Variants in PLXNA2 observed in about 807,000 individuals in gnomAD.
The protein encoded by PLXNA2 is plexin A2.
PLXNA2 carries 91 observed loss-of-function variants against 193.5 expected under a neutral mutation model. The observed-to-expected ratio is 0.47, with a 90% confidence interval of 0.40 to 0.56. PLXNA2 has a LOEUF of 0.56. Ranked by LOEUF, PLXNA2 falls within the 20% of genes least tolerant of loss-of-function variation. The pLI, the probability that PLXNA2 is intolerant of heterozygous loss-of-function variation, is 0.00. For missense variants in PLXNA2, 1,995 were observed against 2,503.2 expected (o/e 0.80, Z 4.33); for synonymous variants, 997 against 1,027.3 (o/e 0.97, Z 0.56).
In PLXNA2 at chr1:208,195,714, C is replaced by T. The variant is rs114264326; in HGVS notation, c.1371+14566G>A. Among the ~76,000 whole-genome samples the T allele has an allele frequency of 8.1e-3, 1,226 of 151,782 alleles. 18 individuals are homozygous for T. Among genetic ancestry groups the T allele is most frequent in the African/African-American group, 0.028 (1,174 of 41,334 alleles). On this transcript the variant is annotated intron_variant, in intron 3 of 31. Transcript: ENST00000367033. The stretch of plus-strand genomic sequence containing the variant: ...AAAGCGTAATGGACTAATGCTAATA[C>T]ACAGACTGGCTGCAGCCCAGGGGTG...
chr1:208,076,053 G>A (rs1473901842), intron 12 of PLXNA2, among the ~76,000 whole-genome samples: 3 of 136,022 alleles, frequency 2.2e-5, no homozygotes, highest in African/African-American at 8.3e-5. Flanking sequence ...GTGAGACCCT[G>A]TCTCAAAAAA....
At chr1:208,099,117 G>T in intron 5 of PLXNA2, 148 bp from the exon 6 acceptor site, 1 of 949,718 alleles carries the variant, frequency 1.1e-6, no homozygotes, top group Non-Finnish European at 1.5e-6. Context: ...GGAGGGCCTT[G>T]GTGACTCTCA....
At chr1:208,039,476 T>C in intron 24 of PLXNA2, 145 bp downstream of exon 24, 1 of 1,116,210 alleles carries the variant, frequency 9.0e-7, no homozygotes. Context: ...TTGCTCTTGG[T>C]ACACTTAGTT....
chr1:208,119,998 T>C (rs986354752), intron 4 of PLXNA2, among the ~76,000 whole-genome samples: 2 of 152,144 alleles, frequency 1.3e-5, no homozygotes, highest in African/African-American at 4.8e-5. Flanking sequence ...TGGATTTGTG[T>C]CCCCTGAGGC....
Position 208,217,838 on chromosome 1 carries a change from C to T in PLXNA2, c.85G>A (p.Ala29Thr). ...VLLSVVWVLL[A>T]PPAAGMPQFS... is the part of the protein sequence containing the mutation. ...TGAGGCATGCCGGCTGCTGGGGGGG[C>T]CAGCAGCACCCAGACCACTGAGAGC... The change falls in exon 2 of 32, where the codon GCC (alanine) becomes ACC (threonine). Residue 29 changes from alanine (A) to threonine (T), a missense_variant. Physicochemically the swap from Ala to Thr is moderately conservative, Grantham distance 58 (BLOSUM62 0). This residue lies in a region of PLXNA2 where 702 missense variants were observed against 812.9 expected (regional missense o/e 0.86). Transcript: ENST00000367033. This position sits in a 1 kb window ranked among gnomAD's most constrained non-coding sequence, Gnocchi z 4.7. 6.2e-7 allele frequency: 1 copy of T among 1,613,874 alleles called. No individual in the cohort carries two copies. Among genetic ancestry groups the T allele is most frequent in the South Asian group, 1.1e-5 (1 of 91,070 alleles).
At chr1:208,201,738 C>T (rs185063384) in intron 3 of PLXNA2, among the ~76,000 whole-genome samples, 1 of 151,794 alleles carries the variant, frequency 6.6e-6, no homozygotes, top group African/African-American at 2.4e-5. Context: ...TTATTACTAC[C>T]CCACTCCACA....
chr1:208,191,925 T>C (rs929322507), intron 3 of PLXNA2, among the ~76,000 whole-genome samples: 1 of 152,132 alleles, frequency 6.6e-6, no homozygotes. Flanking sequence ...AGAACAAGCA[T>C]GAAGACGTGT....
At chr1:208,092,733 G>C in intron 9 of PLXNA2, 53 bp downstream of exon 9, 1 of 1,263,582 alleles carries the variant, frequency 7.9e-7, no homozygotes, top group Admixed American at 1.8e-5. Context: ...AAAGAGGGAG[G>C]GGCCACTCAG....
intron 12 of PLXNA2, among the ~76,000 whole-genome samples, chr1:208,073,332 C>G (rs1666032664): frequency 6.6e-6 from 1 of 152,168 alleles, no homozygotes; most frequent in African/African-American, 2.4e-5. Context: ...TAGAAGTCTG[C>G]CCTAGGCCTT....
At chr1:208,058,381 A>T (rs1665509442) in intron 13 of PLXNA2, among the ~76,000 whole-genome samples, 1 of 152,188 alleles carries the variant, frequency 6.6e-6, no homozygotes, top group South Asian at 2.1e-4. Context: ...TTGCTGAGTG[A>T]TAGATGGCGC....
At chr1:208,134,855 G>GT (rs1333092610) in intron 4 of PLXNA2, among the ~76,000 whole-genome samples, 1 of 152,154 alleles carries the variant, frequency 6.6e-6, no homozygotes, top group African/African-American at 2.4e-5. Flanking sequence ...GACTCCCCAC[G>GT]TTTTTTCTTT....
At chr1:208,214,139 A>C (rs1340641547) in intron 2 of PLXNA2, among the ~76,000 whole-genome samples, 2 of 152,032 alleles carry the variant, frequency 1.3e-5, no homozygotes, top group Non-Finnish European at 2.9e-5. Flanking sequence ...AAAAAAAAAA[A>C]CCAAAGACTA....
intron 3 of PLXNA2, among the ~76,000 whole-genome samples, chr1:208,209,090 G>C (rs1306378556): frequency 6.6e-6 from 1 of 152,194 alleles, no homozygotes; most frequent in Non-Finnish European, 1.5e-5. Flanking sequence ...GTCCCAGGCA[G>C]AGTGGAGGGC....
At position 208,143,008 on chromosome 1, in the gene PLXNA2, C is replaced by G. The variant is rs563269324; in HGVS notation, c.1372-545G>C. ...ATGCCCTGACTGTCCACAAATCCAC[C>G]CTGTGAGATGTGGGGAGCCAGGAAT... On this transcript the variant is annotated intron_variant, in intron 3 of 31. Coordinates refer to ENST00000367033, the MANE Select transcript of PLXNA2 (RefSeq NM_025179.4). Among the ~76,000 whole-genome samples, 38 of 152,314 alleles carry G rather than the reference C, an allele frequency of 2.5e-4. 1 individual carries two copies. The South Asian group carries it at 7.3e-3, about 29-fold the overall frequency.
chr1:208,173,529 C>T (rs1050443582), intron 3 of PLXNA2, among the ~76,000 whole-genome samples: 1 of 152,226 alleles, frequency 6.6e-6, no homozygotes, highest in Non-Finnish European at 1.5e-5. Flanking sequence ...AATCACACAG[C>T]TAGCACACGG....
chr1:208,087,753 G>A (rs1404863325), intron 9 of PLXNA2, among the ~76,000 whole-genome samples: 2 of 152,152 alleles, frequency 1.3e-5, no homozygotes. Context: ...AATCTTGGGT[G>A]GAAATTGCAG....
chr1:208,091,826 C>A (rs1233792394), intron 9 of PLXNA2, among the ~76,000 whole-genome samples: 1 of 149,584 alleles, frequency 6.7e-6, no homozygotes, highest in Middle Eastern at 3.4e-3. Flanking sequence ...GCGGAGATCA[C>A]GCCATTGCAC....
At chr1:208,170,677 C>G (rs887337997) in intron 3 of PLXNA2, among the ~76,000 whole-genome samples, 2 of 152,198 alleles carry the variant, frequency 1.3e-5, no homozygotes, top group Non-Finnish European at 2.9e-5. Flanking sequence ...TTATTCTGGC[C>G]TTTGAAGTAG....
intron 3 of PLXNA2, among the ~76,000 whole-genome samples, chr1:208,153,858 G>C (rs1053075103): frequency 6.6e-6 from 1 of 152,226 alleles, no homozygotes; most frequent in Non-Finnish European, 1.5e-5. Flanking sequence ...ACAGCTGGGG[G>C]AGGGTCTACC....
Sources: allele counts gnomAD v4.1 joint callset (sites outside exome capture counted in the v4.1 genomes callset), GRCh38; gene constraint gnomAD v4.1.1; regional missense constraint gnomAD v4.1.1; non-coding constraint Gnocchi (gnomAD v3.1); transcripts MANE v1.5; gene names NCBI Gene and HGNC (gene_info 2026-07-23, HGNC 2026-07-21).